ZNF586: variants seen among roughly 807,000 people sequenced by gnomAD.
The protein encoded by ZNF586 is zinc finger protein 586.
In ZNF586, 7 loss-of-function variants were observed where a neutral mutation model predicts 6.7. The ratio of observed to expected loss-of-function variants is 1.04; its 90% CI spans 0.59 to 1.95. ZNF586 has a LOEUF of 1.95. Among genes scored for constraint, ZNF586 ranks in the 30% most tolerant of loss-of-function variants. ZNF586 has a pLI of 0.00. For synonymous variants in ZNF586, 166 were observed against 168.7 expected (o/e 0.98, Z 0.12); for missense variants, 442 against 489.6 (o/e 0.90, Z 0.92).
intron 1 of ZNF586, among the ~76,000 whole-genome samples, chr19:57,773,420 T>TG (rs1987146394): frequency 6.8e-6 from 1 of 147,090 alleles, no homozygotes; most frequent in South Asian, 2.1e-4. Context: ...TTTTTTTTTT[T>TG]TGAGACAGAG....
At position 57,779,848 on chromosome 19, in the gene ZNF586, A is replaced by G; in HGVS notation, c.*52A>G. The G allele has an allele frequency of 6.8e-7, 1 of 1,462,384 alleles. No individual in the cohort carries two copies. Among genetic ancestry groups the G allele is most frequent in the Non-Finnish European group, 9.3e-7 (1 of 1,075,584 alleles). The allele number at this position is 1,462,384 out of a possible 1,614,324, so 90.6% of individuals were successfully genotyped here. Reference sequence around the variant, plus strand: ...AGGCTTTTTGCTCCTTCAAGGCCAGAGAGTTCACACCAGATCAAGGTGTTA... The same window carrying G: ...AGGCTTTTTGCTCCTTCAAGGCCAGGGAGTTCACACCAGATCAAGGTGTTA... On this transcript the variant is annotated 3_prime_UTR_variant, in exon 3 of 3. Transcript: ENST00000396154.
intron 1 of ZNF586, among the ~76,000 whole-genome samples, chr19:57,775,942 G>A (rs1034521399): frequency 1.1e-4 from 17 of 152,216 alleles, no homozygotes; most frequent in Non-Finnish European, 2.2e-4. Flanking sequence ...GTGGCTCTCT[G>A]TGGTGAGTGG....
At chr19:57,772,087 G>A in intron 1 of ZNF586, among the ~76,000 whole-genome samples, 1 of 152,298 alleles carries the variant, frequency 6.6e-6, no homozygotes, top group South Asian at 2.1e-4. Context: ...CTCCCAAAGT[G>A]CTGGGATTAC....
At position 57,776,606 on chromosome 19, in the gene ZNF586, G is replaced by C; in HGVS notation, c.100G>C (p.Glu34Gln). Residue 34 changes from glutamate (E) to glutamine (Q), a missense_variant, in exon 2 of 3, where the codon GAG becomes CAG. Coordinates refer to ENST00000396154, the MANE Select transcript of ZNF586 (RefSeq NM_017652.4). ...CCTGGAGGAATGGAGTCTTCTTAAT[G>C]AGGCTCAGAGATGCCTGTACCGTGA... is the stretch of plus-strand genomic sequence containing the variant. ...FSLEEWSLLN[E>Q]AQRCLYRDVM... 6.2e-7 allele frequency: 1 copy of C among 1,613,636 alleles called. No individual in the cohort carries two copies. Among genetic ancestry groups the C allele is most frequent in the South Asian group, 1.1e-5 (1 of 91,050 alleles).
At chr19:57,778,377 G>A (rs1040710291) in intron 2 of ZNF586, among the ~76,000 whole-genome samples, 2 of 152,028 alleles carry the variant, frequency 1.3e-5, no homozygotes, top group Non-Finnish European at 2.9e-5. Flanking sequence ...TCTCGGCCAC[G>A]TATATACCTA....
intron 1 of ZNF586, among the ~76,000 whole-genome samples, chr19:57,774,251 G>C (rs191666701): frequency 1.5e-5 from 2 of 135,350 alleles, no homozygotes; most frequent in East Asian, 2.3e-4. Flanking sequence ...AGCCGGGCGC[G>C]GTGGCTCACA....
In ZNF586 at chr19:57,769,734, G is replaced by A. The variant is rs915489397; in HGVS notation, c.-109G>A. On this transcript the variant is annotated 5_prime_UTR_variant, in exon 1 of 3. Transcript: ENST00000396154. ...GACGAGCTCGGGAGGAGTGGTTGTG[G>A]CCATTGCACACAGGCGGATCTGAGG... The A allele has an allele frequency of 5.1e-6, 6 of 1,173,424 alleles. No individual in the cohort carries two copies. Among genetic ancestry groups the A allele is most frequent in the Non-Finnish European group, 7.4e-6 (6 of 813,886 alleles). 72.7% of individuals were successfully genotyped at this position (1,173,424 alleles called of 1,614,324 possible). A position where few individuals can be genotyped will look rare whatever the true frequency, so the allele number is the denominator to read the frequency against.
At chr19:57,770,004 G>A (rs1987050257) in intron 1 of ZNF586, 126 bp downstream of exon 1, 1 of 946,772 alleles carries the variant, frequency 1.1e-6, no homozygotes, top group Non-Finnish European at 1.5e-6. Context: ...AGGCGCCGGC[G>A]GGTGGGATCC....
intron 1 of ZNF586, among the ~76,000 whole-genome samples, chr19:57,774,117 G>A (rs138849986): frequency 1.5e-4 from 22 of 151,278 alleles, no homozygotes; most frequent in African/African-American, 5.4e-4. Context: ...TTCGGGGGCT[G>A]AGACAGGAGA....
At position 57,779,856 on chromosome 19, in the gene ZNF586, C is replaced by A; in HGVS notation, c.*60C>A. 1 of 1,415,030 alleles carries A rather than the reference C, an allele frequency of 7.1e-7. No individual in the cohort carries two copies. Among genetic ancestry groups the A allele is most frequent in the Non-Finnish European group, 9.6e-7 (1 of 1,037,030 alleles). The allele number at this position is 1,415,030 out of a possible 1,614,324, so 87.7% of individuals were successfully genotyped here. On this transcript the variant is annotated 3_prime_UTR_variant, in exon 3 of 3. Transcript: ENST00000396154. The stretch of plus-strand genomic sequence containing the variant: ...TGCTCCTTCAAGGCCAGAGAGTTCA[C>A]ACCAGATCAAGGTGTTATGAGTGTG...
At chr19:57,769,936 T>A in intron 1 of ZNF586, 58 bp downstream of exon 1, 5 of 975,170 alleles carry the variant, frequency 5.1e-6, no homozygotes, top group Non-Finnish European at 6.6e-6. Context: ...CTGAGGCCCC[T>A]GATCGTGAGG....
rs1354813926 is a variant in ZNF586, at chr19:57,779,589, A to G, written c.1002A>G (p.Ile334Met). ...KSFSRKSSLIIHLRVHTGERP... is the reference protein window; with the variant it reads ...KSFSRKSSLIMHLRVHTGERP... ...TTAGCCGAAAATCTAGCCTTATTAT[A>G]CATCTGAGAGTTCACACTGGAGAAA... The change falls in exon 3 of 3, where the codon ATA becomes ATG. Residue 334 changes from isoleucine (I) to methionine (M), a missense_variant. Physicochemically the swap from Ile to Met is conservative, Grantham distance 10. Transcript: ENST00000396154. 1 of 1,613,094 alleles carries G rather than the reference A, an allele frequency of 6.2e-7. No individual in the cohort carries two copies. Among genetic ancestry groups the G allele is most frequent in the Non-Finnish European group, 8.5e-7 (1 of 1,179,830 alleles).
chr19:57,779,640 G>A lies in ZNF586; in HGVS notation c.1053G>A (p.Gly351=). ...GERPYECSDC[G]KSFAENSSLI... is the part of the protein sequence containing the mutation. ...GGCCTTATGAGTGCAGTGACTGTGG[G>A]AAATCCTTTGCTGAAAACTCCAGCC... Residue 351 remains glycine (G), a synonymous_variant, in exon 3 of 3, where the codon GGG becomes GGA. Coordinates refer to ENST00000396154, the MANE Select transcript of ZNF586 (RefSeq NM_017652.4). The A allele has an allele frequency of 6.2e-7, 1 of 1,613,506 alleles. No homozygotes were observed. Among genetic ancestry groups the A allele is most frequent in the Non-Finnish European group, 8.5e-7 (1 of 1,179,748 alleles).
At chr19:57,773,778 AT>A (rs1426044921) in intron 1 of ZNF586, among the ~76,000 whole-genome samples, 3 of 152,188 alleles carry the variant, frequency 2.0e-5, no homozygotes, top group Non-Finnish European at 4.4e-5. Flanking sequence ...CCTCACCAAG[AT>A]TTTGAGATGA....
chr19:57,774,705 A>G (rs1425446893), intron 1 of ZNF586: 11 of 980,292 alleles, frequency 1.1e-5, no homozygotes, highest in Non-Finnish European at 1.3e-5. Flanking sequence ...TGGGGCTACC[A>G]TTGCTATTGA....
rs1987333166 is a variant in ZNF586 at position 57,779,580 on chromosome 19, C to T, written c.993C>T (p.Ser331=). The change falls in exon 3 of 3, where the codon AGC becomes AGT. Residue 331 remains serine (S), a synonymous_variant. Coordinates refer to ENST00000396154, the MANE Select transcript of ZNF586 (RefSeq NM_017652.4). The part of the protein sequence containing the change: ...QCGKSFSRKS[S]LIIHLRVHTG... The stretch of plus-strand genomic sequence containing the variant: ...GGAAATCCTTTAGCCGAAAATCTAG[C>T]CTTATTATACATCTGAGAGTTCACA... 6.2e-7 allele frequency: 1 copy of T among 1,607,254 alleles called. No individual in the cohort carries two copies. The highest frequency in any genetic ancestry group is 1.1e-5 in the South Asian group (1 of 90,602).
chr19:57,777,905 A>ATG (rs2122564162), intron 2 of ZNF586, among the ~76,000 whole-genome samples: 1 of 146,390 alleles, frequency 6.8e-6, no homozygotes, highest in East Asian at 2.1e-4. Context: ...ACAGGGGCCC[A>ATG]CCACCACGCC....
At chr19:57,778,632 C>A in intron 2 of ZNF586, 119 bp from the exon 3 acceptor site, 3 of 918,530 alleles carry the variant, frequency 3.3e-6, no homozygotes, top group Non-Finnish European at 4.9e-6. Context: ...CTGAACCCAA[C>A]TCCCTGTTTG....
intron 1 of ZNF586, among the ~76,000 whole-genome samples, chr19:57,773,576 G>A (rs929030416): frequency 2.0e-5 from 3 of 151,944 alleles, no homozygotes; most frequent in Non-Finnish European, 2.9e-5. Flanking sequence ...GCTAATTTTT[G>A]TATTTTTAGT....
Sources: allele counts gnomAD v4.1 joint callset (sites outside exome capture counted in the v4.1 genomes callset), GRCh38; gene constraint gnomAD v4.1.1; transcripts MANE v1.5; gene names NCBI Gene and HGNC (gene_info 2026-07-23, HGNC 2026-07-21).